Variants in ACBD6 observed in about 807,000 individuals in gnomAD.
ACBD6 encodes the protein acyl-CoA-binding domain-containing protein 6.
In ACBD6, 28 loss-of-function variants were observed where a neutral mutation model predicts 37.2. That is an observed-to-expected ratio of 0.75 (90% confidence interval 0.56 to 1.03). The LOEUF (loss-of-function observed/expected upper bound fraction) is 1.03. Ranked by LOEUF, ACBD6 falls within the 50% of genes least tolerant of loss-of-function variation. The pLI is 0.00. For missense variants in ACBD6, 340 were observed against 337.4 expected (o/e 1.01, Z -0.06); for synonymous variants, 113 against 126.8 (o/e 0.89, Z 0.73).
intron 4 of ACBD6, among the ~76,000 whole-genome samples, chr1:180,427,628 A>G (rs67716213): frequency 0.11 from 17,359 of 152,210 alleles, 1,489 homozygotes; most frequent in African/African-American, 0.24. Context: ...ATTTCAGTAC[A>G]TAAGAATTTT....
intron 3 of ACBD6, among the ~76,000 whole-genome samples, chr1:180,475,815 T>C (rs1241117359): frequency 2.6e-5 from 4 of 152,198 alleles, no homozygotes; most frequent in African/African-American, 4.8e-5. Flanking sequence ...TGAACATTCA[T>C]GTAAAAAAAT....
intron 7 of ACBD6, among the ~76,000 whole-genome samples, chr1:180,298,493 T>C (rs1193822464): frequency 6.6e-6 from 1 of 152,202 alleles, no homozygotes. Flanking sequence ...ATTAATTACA[T>C]TTATGCTGTA....
intron 6 of ACBD6, among the ~76,000 whole-genome samples, chr1:180,374,334 AT>A (rs984103312): frequency 6.6e-6 from 1 of 152,174 alleles, no homozygotes; most frequent in African/African-American, 2.4e-5. Context: ...AGAGTTTAGT[AT>A]TTTACTATGG....
chr1:180,415,197 A>C (rs907391832), intron 4 of ACBD6, among the ~76,000 whole-genome samples: 2 of 152,094 alleles, frequency 1.3e-5, no homozygotes, highest in African/African-American at 4.8e-5. Flanking sequence ...AGGAGTTCGA[A>C]ACTAGCCTGA....
At chr1:180,466,703 T>A (rs1012629661) in intron 3 of ACBD6, among the ~76,000 whole-genome samples, 5 of 152,230 alleles carry the variant, frequency 3.3e-5, no homozygotes, top group East Asian at 3.8e-4. Flanking sequence ...ATATAGCTCA[T>A]GAATGTCAAA....
intron 13 of ACBD6, among the ~76,000 whole-genome samples, chr1:180,272,306 T>A (rs541165257): frequency 2.0e-5 from 3 of 152,226 alleles, no homozygotes; most frequent in East Asian, 1.9e-4. Context: ...CCCACACAGC[T>A]ATGAACAGAT....
intron 6 of ACBD6, among the ~76,000 whole-genome samples, chr1:180,349,843 T>G (rs1337299766): frequency 6.6e-6 from 1 of 152,136 alleles, no homozygotes; most frequent in Non-Finnish European, 1.5e-5. Context: ...TAAATGTCAC[T>G]GTAAAACTGA....
At chr1:180,361,577 T>C (rs1652855902) in intron 6 of ACBD6, among the ~76,000 whole-genome samples, 1 of 150,714 alleles carries the variant, frequency 6.6e-6, no homozygotes, top group East Asian at 1.9e-4. Flanking sequence ...CTTACGGGAT[T>C]TGGTCTTGAA....
chr1:180,287,765 T>G (rs1649551595), downstream of ACBD6, among the ~76,000 whole-genome samples: 3 of 152,094 alleles, frequency 2.0e-5, no homozygotes, highest in African/African-American at 7.2e-5. Flanking sequence ...AGAGTACTAT[T>G]CTAAAATGCC....
chr1:180,425,003 A>AT (rs1648527032), intron 4 of ACBD6, among the ~76,000 whole-genome samples: 1 of 152,170 alleles, frequency 6.6e-6, no homozygotes, highest in South Asian at 2.1e-4. Flanking sequence ...ATAATCTATA[A>AT]TTATCTCTTC....
intron 7 of ACBD6, among the ~76,000 whole-genome samples, chr1:180,293,260 C>T (rs923652103): frequency 2.6e-4 from 39 of 151,700 alleles, no homozygotes; most frequent in African/African-American, 9.2e-4. Flanking sequence ...AGTGCTCCCT[C>T]CCCTTCTATT....
chr1:180,314,014 T>C (rs1650693774), intron 7 of ACBD6, among the ~76,000 whole-genome samples: 1 of 152,190 alleles, frequency 6.6e-6, no homozygotes, highest in Non-Finnish European at 1.5e-5. Context: ...AGTTAAAAAA[T>C]CAAATTTCTT....
intron 6 of ACBD6, among the ~76,000 whole-genome samples, chr1:180,320,638 C>T (rs1296554033): frequency 3.3e-5 from 5 of 151,448 alleles, no homozygotes; most frequent in Non-Finnish European, 7.4e-5. Flanking sequence ...GATCCTGTCT[C>T]AAAAAATAAA....
At chr1:180,271,315 G>C (rs538820952) in exon 14 of ACBD6, 1 of 1,569,314 alleles carries the variant, frequency 6.4e-7, no homozygotes, top group African/African-American at 1.3e-5. Context: ...GGAAGGGAGG[G>C]TGTGGGAGGA....
intron 3 of ACBD6, among the ~76,000 whole-genome samples, chr1:180,442,782 T>C (rs566048934): frequency 2.0e-3 from 309 of 152,322 alleles, no homozygotes; most frequent in Middle Eastern, 3.4e-3. Context: ...ACTTCAGATA[T>C]TATATTTTTC....
chr1:180,312,273 T>C (rs1650624127), intron 7 of ACBD6, among the ~76,000 whole-genome samples: 1 of 152,200 alleles, frequency 6.6e-6, no homozygotes, highest in Non-Finnish European at 1.5e-5. Flanking sequence ...TATTTTTTTC[T>C]ATGAAGGTTT....
chr1:180,313,650 G>C (rs2794974), intron 7 of ACBD6, among the ~76,000 whole-genome samples: 17,868 of 152,116 alleles, frequency 0.12, 1,608 homozygotes, highest in African/African-American at 0.25. Context: ...GATCCATAAT[G>C]TGGTGTAAAT....
rs570559265 is a variant in ACBD6, at chr1:180,356,970, C to T, written c.663+40546G>A. Among the ~76,000 whole-genome samples the T allele has an allele frequency of 4.0e-5, 6 of 151,880 alleles. No individual in the cohort carries two copies. In the East Asian group the frequency reaches 1.2e-3, roughly 29 times the overall value. ...TTACAGTAAAAGACACTTTTGAAAA[C>T]TAACAATGACTGACAGGAAGAGAAG... On this transcript the variant is annotated intron_variant, in intron 6 of 7. Transcript: ENST00000367595.
intron 3 of ACBD6, among the ~76,000 whole-genome samples, chr1:180,449,133 T>A (rs1457365543): frequency 2.0e-5 from 3 of 152,168 alleles, no homozygotes; most frequent in Non-Finnish European, 4.4e-5. Context: ...CATGCAACTA[T>A]CTTAGTTGCA....
Sources: allele counts gnomAD v4.1 joint callset (sites outside exome capture counted in the v4.1 genomes callset), GRCh38; gene constraint gnomAD v4.1.1; transcripts MANE v1.5; gene names NCBI Gene and HGNC (gene_info 2026-07-23, HGNC 2026-07-21).